The following ALK variants were observed in gnomAD, a reference collection of about 807,000 sequenced individuals.
ALK encodes ALK tyrosine kinase receptor.
A neutral mutation model predicts 163.1 loss-of-function variants in ALK; 74 were observed. The ratio of observed to expected loss-of-function variants is 0.45; its 90% CI spans 0.38 to 0.55. The LOEUF (loss-of-function observed/expected upper bound fraction) is 0.55, where lower values mean the gene tolerates loss of function less well. ALK is among the 20% of genes least tolerant of loss of function. The pLI is 0.00. For missense variants in ALK, 2,063 were observed against 2,105.3 expected (o/e 0.98, Z 0.39); for synonymous variants, 960 against 843.2 (o/e 1.14, Z -2.40).
Position 29,531,966 on chromosome 2 carries a change from T to C in ALK, c.1103A>G (p.His368Arg), listed in dbSNP as rs1673131453. Reference sequence around the variant, plus strand: ...GAGGATCTCTCTTGCAGCCTCGTTGTGGGGCAGCAGCTGGGCAATGTACCT... The same window carrying C: ...GAGGATCTCTCTTGCAGCCTCGTTGCGGGGCAGCAGCTGGGCAATGTACCT... Reference protein sequence around the residue: ...SGRYIAQLLPHNEAAREILLM... With the variant: ...SGRYIAQLLPRNEAAREILLM... Residue 368 changes from histidine (H) to arginine (R), a missense_variant, in exon 4 of 29, where the codon CAC (histidine) becomes CGC (arginine). This residue lies in a region of ALK where 987 missense variants were observed against 939.5 expected (regional missense o/e 1.05). Coordinates refer to ENST00000389048, the MANE Select transcript of ALK (RefSeq NM_004304.5). The C allele has an allele frequency of 1.2e-6, 2 of 1,614,018 alleles. No homozygotes were observed. Among genetic ancestry groups the C allele is most frequent in the Admixed American group, 3.3e-5 (2 of 60,008 alleles).
At chr2:29,671,636 G>A (rs1412834667) in intron 3 of ALK, among the ~76,000 whole-genome samples, 1 of 151,994 alleles carries the variant, frequency 6.6e-6, no homozygotes, top group Non-Finnish European at 1.5e-5. Context: ...CTTGTTGCCA[G>A]GAAAATTGTG....
intron 1 of ALK, among the ~76,000 whole-genome samples, chr2:29,853,782 C>CCTCTCCCTCCCTCCTCTT (rs1474671874): frequency 1.3e-5 from 2 of 150,826 alleles, no homozygotes. Flanking sequence ...TCCCTCCTCT[C>CCTCTCCCTCCCTCCTCTT]CTCTCCCTCC....
rs374379545 is a variant in ALK, at chr2:29,193,181, G to A, written c.*43C>T. On this transcript the variant is annotated 3_prime_UTR_variant, in exon 29 of 29. Transcript: ENST00000389048. ...AGCCATTGCCTCTCTCTCCTCCACG[G>A]TCTTAGGGATCCCAAGGAAGAGAAG... is the stretch of plus-strand genomic sequence containing the variant. 1 of 1,596,904 alleles carries A rather than the reference G, an allele frequency of 6.3e-7. No individual in the cohort carries two copies. The highest frequency in any genetic ancestry group is 1.7e-5 in the Admixed American group (1 of 59,732).
intron 4 of ALK, among the ~76,000 whole-genome samples, chr2:29,451,783 TAACTCATTC>T (rs1670825898): frequency 6.6e-6 from 1 of 152,164 alleles, no homozygotes; most frequent in South Asian, 2.1e-4. Flanking sequence ...ATAAGGGCCA[TAACTCATTC>T]AACTTTGCGT....
intron 11 of ALK, among the ~76,000 whole-genome samples, chr2:29,252,598 C>G (rs1664846786): frequency 6.6e-6 from 1 of 152,074 alleles, no homozygotes; most frequent in Non-Finnish European, 1.5e-5. Flanking sequence ...GTCATGCTGC[C>G]CTGGCCCAGA....
At chr2:29,247,597 G>A (rs1664714696) in intron 12 of ALK, among the ~76,000 whole-genome samples, 1 of 152,232 alleles carries the variant, frequency 6.6e-6, no homozygotes, top group Non-Finnish European at 1.5e-5. Flanking sequence ...GGGCAAAGCT[G>A]TAGAGGGTGG....
intron 1 of ALK, among the ~76,000 whole-genome samples, chr2:29,849,699 C>G (rs1420956901): frequency 6.6e-6 from 1 of 152,154 alleles, no homozygotes; most frequent in African/African-American, 2.4e-5. Context: ...GGCAATCTAC[C>G]TTGGCCAGTT....
intron 1 of ALK, among the ~76,000 whole-genome samples, chr2:29,877,019 C>G (rs915617521): frequency 1.3e-5 from 2 of 152,090 alleles, no homozygotes; most frequent in Admixed American, 6.6e-5. Flanking sequence ...AAAATCAGAC[C>G]CTCCAAACTG....
intron 11 of ALK, among the ~76,000 whole-genome samples, chr2:29,270,914 G>A (rs1268154757): frequency 6.6e-6 from 1 of 152,196 alleles, no homozygotes; most frequent in East Asian, 1.9e-4. Context: ...GCAATGATGA[G>A]CTGTGGCTAA....
chr2:29,804,606 C>T (rs1664562599), intron 1 of ALK, among the ~76,000 whole-genome samples: 1 of 152,244 alleles, frequency 6.6e-6, no homozygotes, highest in Admixed American at 6.5e-5. Context: ...TCCCACTCTA[C>T]CTCCATTGCC....
intron 23 of ALK, among the ~76,000 whole-genome samples, chr2:29,216,691 GTGTAT>G (rs1669618725): frequency 7.4e-6 from 1 of 134,796 alleles, no homozygotes; most frequent in Non-Finnish European, 1.6e-5. Context: ...TATATGTGGG[GTGTAT>G]GGTGTGTGTG....
chr2:29,283,733 T>C (rs13394509), intron 9 of ALK, among the ~76,000 whole-genome samples: 7,581 of 152,248 alleles, frequency 0.05, 217 homozygotes, highest in South Asian at 0.096. Flanking sequence ...ATGTGTTTTT[T>C]TCCCCCAACA....
intron 1 of ALK, among the ~76,000 whole-genome samples, chr2:29,912,037 T>C (rs564277764): frequency 6.6e-6 from 1 of 152,206 alleles, no homozygotes; most frequent in South Asian, 2.1e-4. Flanking sequence ...GTCAATCAAC[T>C]TGAGGATAGG....
chr2:29,774,707 C>T lies in ALK; in HGVS notation c.668-57010G>A, dbSNP rs373918273. 2.6e-5 allele frequency among the ~76,000 whole-genome samples: 4 copies of T among 152,160 alleles called. No homozygotes were observed. The East Asian group carries it at 5.8e-4, about 22-fold the overall frequency. On this transcript the variant is annotated intron_variant, in intron 1 of 28. Coordinates refer to ENST00000389048, the MANE Select transcript of ALK (RefSeq NM_004304.5). ...TAGGAGGTAAAAATACAATGCCATG[C>T]GCCTGAGAAATTCCTTCCAGTAGAA...
intron 5 of ALK, among the ~76,000 whole-genome samples, chr2:29,346,271 G>A (rs1667946097): frequency 6.6e-6 from 1 of 152,218 alleles, no homozygotes; most frequent in Admixed American, 6.5e-5. Context: ...CAGGCAGGGT[G>A]AGGATTGCGT....
intron 1 of ALK, among the ~76,000 whole-genome samples, chr2:29,767,199 A>T (rs1051750273): frequency 6.6e-6 from 1 of 152,232 alleles, no homozygotes; most frequent in African/African-American, 2.4e-5. Context: ...AGTGTTCATT[A>T]GTAAGAAGAT....
At chr2:29,806,354 C>T (rs1241612543) in intron 1 of ALK, among the ~76,000 whole-genome samples, 1 of 151,878 alleles carries the variant, frequency 6.6e-6, no homozygotes, top group Non-Finnish European at 1.5e-5. Context: ...GAAAAGGGTT[C>T]CATGTGATAA....
rs572751571 is a variant in ALK, at chr2:29,210,114, A to G, written c.3744-236T>C. Reference sequence around the variant, plus strand: ...AATGATTAAAAATGTTTAATGGGGCAACCATAATGAAATGCATCATACTAG... The same window carrying G: ...AATGATTAAAAATGTTTAATGGGGCGACCATAATGAAATGCATCATACTAG... On this transcript the variant is annotated intron_variant, in intron 24 of 28. Transcript: ENST00000389048. 3.9e-5 allele frequency among the ~76,000 whole-genome samples: 6 copies of G among 152,318 alleles called. No individual in the cohort carries two copies. In the East Asian group the frequency reaches 5.8e-4, roughly 15 times the overall value.
intron 1 of ALK, among the ~76,000 whole-genome samples, chr2:29,900,202 T>C (rs1667376959): frequency 6.6e-6 from 1 of 152,262 alleles, no homozygotes; most frequent in African/African-American, 2.4e-5. Flanking sequence ...ATGCATTCTT[T>C]CATTTATCAT....
Sources: allele counts gnomAD v4.1 joint callset (sites outside exome capture counted in the v4.1 genomes callset), GRCh38; gene constraint gnomAD v4.1.1; regional missense constraint gnomAD v4.1.1; transcripts MANE v1.5; gene names NCBI Gene and HGNC (gene_info 2026-07-23, HGNC 2026-07-21).